STK32B: variants seen among roughly 807,000 people sequenced by gnomAD.
STK32B encodes serine/threonine-protein kinase 32B.
In STK32B, 43 loss-of-function variants were observed where a neutral mutation model predicts 52.6. That is an observed-to-expected ratio of 0.82 (90% CI 0.64 to 1.05). The LOEUF (loss-of-function observed/expected upper bound fraction) is 1.05, where lower values mean the gene tolerates loss of function less well. Ranked by LOEUF, STK32B falls within the 50% of genes least tolerant of loss-of-function variation. The pLI is 0.00. For synonymous variants in STK32B, 238 were observed against 204.3 expected (o/e 1.17, Z -1.41); for missense variants, 621 against 534.6 (o/e 1.16, Z -1.59).
rs566803294 is a variant in STK32B at position 5,325,171 on chromosome 4, C to CA, written c.261-6043dup. ...TCAGCCTACCTTGAAGCACATCATG[C>CA]AAAAAATTCCTGTTCCACTTATTAC... On this transcript the variant is annotated intron_variant, in intron 3 of 11. Coordinates refer to ENST00000282908, the MANE Select transcript of STK32B (RefSeq NM_018401.3). 2.7e-3 allele frequency among the ~76,000 whole-genome samples: 411 copies of CA among 152,194 alleles called. 6 individuals carry two copies. Among genetic ancestry groups the CA allele is most frequent in the Non-Finnish European group, 6.0e-4 (41 of 67,998 alleles).
intron 3 of STK32B, among the ~76,000 whole-genome samples, chr4:5,274,954 G>A (rs1727715210): frequency 6.6e-6 from 1 of 152,132 alleles, no homozygotes; most frequent in African/African-American, 2.4e-5. Flanking sequence ...CTAAGTGCCT[G>A]GGTTCATCCT....
intron 3 of STK32B, among the ~76,000 whole-genome samples, chr4:5,195,853 T>C (rs1303839851): frequency 6.6e-6 from 1 of 152,228 alleles, no homozygotes; most frequent in Non-Finnish European, 1.5e-5. Context: ...ACTTGACCTT[T>C]TTATCAACTC....
intron 2 of STK32B, among the ~76,000 whole-genome samples, chr4:5,141,442 G>T (rs1716444256): frequency 6.6e-6 from 1 of 152,224 alleles, no homozygotes; most frequent in Non-Finnish European, 1.5e-5. Context: ...GGTCAGTGAA[G>T]TCGGCGAGGC....
intron 6 of STK32B, among the ~76,000 whole-genome samples, chr4:5,426,577 T>C (rs1183269231): frequency 6.6e-6 from 1 of 150,878 alleles, no homozygotes; most frequent in Non-Finnish European, 1.5e-5. Context: ...TGTGGTGGTG[T>C]GCACCTGTAA....
intron 6 of STK32B, among the ~76,000 whole-genome samples, chr4:5,429,207 G>T (rs951626205): frequency 7.2e-5 from 11 of 151,842 alleles, no homozygotes; most frequent in African/African-American, 2.2e-4. Context: ...TATTTTTAAA[G>T]TACATTTCTT....
At chr4:5,314,598 A>T (rs1336856539) in intron 3 of STK32B, among the ~76,000 whole-genome samples, 1 of 152,172 alleles carries the variant, frequency 6.6e-6, no homozygotes, top group African/African-American at 2.4e-5. Flanking sequence ...TGAACCCAGG[A>T]GGCGGAGGTT....
At chr4:5,050,043 G>A (rs1282088073), upstream of STK32B, among the ~76,000 whole-genome samples, 15 of 152,132 alleles carry the variant, frequency 9.9e-5, no homozygotes, top group East Asian at 2.9e-3. Context: ...ATGAAACCTG[G>A]GTAGAATGAG....
chr4:5,103,352 C>T (rs143660208), intron 1 of STK32B, among the ~76,000 whole-genome samples: 14 of 152,208 alleles, frequency 9.2e-5, no homozygotes, highest in African/African-American at 3.4e-4. Flanking sequence ...TTTTATTCTT[C>T]TGCCTAATGT....
At chr4:5,352,700 G>T (rs1006412266) in intron 4 of STK32B, among the ~76,000 whole-genome samples, 1 of 149,924 alleles carries the variant, frequency 6.7e-6, no homozygotes, top group Non-Finnish European at 1.5e-5. Context: ...TAGAAAAACC[G>T]AAAGACTGCA....
chr4:5,198,606 T>A (rs997306937), intron 3 of STK32B, among the ~76,000 whole-genome samples: 1 of 152,288 alleles, frequency 6.6e-6, no homozygotes, highest in East Asian at 1.9e-4. Flanking sequence ...CCTCTCACTC[T>A]CTCTGCAGCA....
At chr4:5,318,753 C>T (rs552028466) in intron 3 of STK32B, among the ~76,000 whole-genome samples, 5 of 152,140 alleles carry the variant, frequency 3.3e-5, no homozygotes, top group South Asian at 4.2e-4. Context: ...TAGAAGGATG[C>T]AGTGGGCTGG....
the STK32B span, among the ~76,000 whole-genome samples, chr4:5,021,326 C>T: frequency 6.6e-6 from 1 of 152,200 alleles, no homozygotes; most frequent in Non-Finnish European, 1.5e-5. Flanking sequence ...GTTCTCTAAA[C>T]ACCTTTAGCA....
intron 3 of STK32B, among the ~76,000 whole-genome samples, chr4:5,323,297 C>G (rs1438180368): frequency 6.6e-6 from 1 of 152,072 alleles, no homozygotes; most frequent in Admixed American, 6.5e-5. Flanking sequence ...CCTGCAAGTC[C>G]CCCTCCACCA....
At chr4:5,211,894 A>G (rs1722928209) in intron 3 of STK32B, among the ~76,000 whole-genome samples, 1 of 152,228 alleles carries the variant, frequency 6.6e-6, no homozygotes, top group Admixed American at 6.5e-5. Flanking sequence ...TGGGGCTTTT[A>G]TAGTTCATTT....
intron 1 of STK32B, among the ~76,000 whole-genome samples, chr4:5,102,440 C>G (rs112396534): frequency 5.2e-3 from 181 of 35,048 alleles, no homozygotes; most frequent in African/African-American, 0.012. Flanking sequence ...TTCCTTGCTT[C>G]CTTCCTTCCT....
intron 4 of STK32B, among the ~76,000 whole-genome samples, chr4:5,368,871 G>A (rs1479521500): frequency 2.6e-5 from 4 of 152,270 alleles, no homozygotes; most frequent in East Asian, 3.9e-4. Flanking sequence ...CCAGATGCTG[G>A]GGCAGAGGAG....
intron 3 of STK32B, among the ~76,000 whole-genome samples, chr4:5,323,291 C>T (rs1312977555): frequency 1.3e-5 from 2 of 152,022 alleles, no homozygotes. Flanking sequence ...TGATCACCTG[C>T]AAGTCCCCCT....
At chr4:5,314,674 CAA>C (rs1730545762) in intron 3 of STK32B, among the ~76,000 whole-genome samples, 2 of 151,694 alleles carry the variant, frequency 1.3e-5, no homozygotes, top group South Asian at 4.1e-4. Context: ...CCGTCTTAAA[CAA>C]AAACTCAAAA....
chr4:5,026,171 A>C, the STK32B span, among the ~76,000 whole-genome samples: 1 of 152,214 alleles, frequency 6.6e-6, no homozygotes, highest in African/African-American at 2.4e-5. Flanking sequence ...TGAGACTTTT[A>C]AAAATCATTT....
Sources: gnomAD v4.1 joint callset for allele counts (sites outside exome capture counted in the v4.1 genomes callset) on GRCh38, gnomAD v4.1.1 for gene constraint, MANE v1.5 for transcripts, NCBI Gene and HGNC (gene_info 2026-07-23, HGNC 2026-07-21) for gene names.